YWHAZ: variants seen among roughly 807,000 people sequenced by gnomAD.
YWHAZ encodes the protein 14-3-3 protein zeta/delta.
For synonymous variants in YWHAZ, 87 were observed against 103.6 expected (o/e 0.84, Z 0.97); for missense variants, 79 against 284.8 (o/e 0.28, Z 5.20).
At position 100,918,428 on chromosome 8, in the gene YWHAZ, A is replaced by ATATATGTG. The variant is rs1349448855; in HGVS notation, c.*2264_*2265insCACATATA. Reference sequence around the variant, plus strand: ...TTACTTTATATATATATATATATATATATATATATATATATAATTATTTTA... The same window carrying ATATATGTG: ...TTACTTTATATATATATATATATATATATATGTGTATATATATATATATAATTATTTTA... On this transcript the variant is annotated 3_prime_UTR_variant, in exon 6 of 6. Transcript: ENST00000395958. 4.2e-5 allele frequency: 4 copies of ATATATGTG among 94,814 alleles called. No homozygotes were observed. Among genetic ancestry groups the ATATATGTG allele is most frequent in the African/African-American group, 1.5e-4 (4 of 27,406 alleles). 5.9% of individuals were successfully genotyped at this position (94,814 alleles called of 1,614,324 possible).
At chr8:100,939,449 C>G (rs907508311) in intron 2 of YWHAZ, among the ~76,000 whole-genome samples, 4 of 151,124 alleles carry the variant, frequency 2.6e-5, no homozygotes, top group African/African-American at 9.7e-5. Context: ...CATCTGAGGT[C>G]AGGAGTTCAA....
At position 100,948,205 on chromosome 8, in the gene YWHAZ, A is replaced by G. The variant is rs73697345; in HGVS notation, c.294+391T>C. On this transcript the variant is annotated intron_variant, in intron 2 of 5. Coordinates refer to ENST00000395958, the MANE Select transcript of YWHAZ (RefSeq NM_145690.3). The surrounding 1 kb of genome is among the most constrained non-coding windows in gnomAD (Gnocchi z 4.2). ...GTACTATTTCTACAATGAGTATCCT[A>G]TTACATCTCTCTTACCTAAAGTATG... The G allele has an allele frequency of 0.056, 77,545 of 1,387,494 alleles. 2,308 individuals are homozygous for G. Among genetic ancestry groups the G allele is most frequent in the Non-Finnish European group, 0.062 (63,672 of 1,031,126 alleles). 85.9% of individuals were successfully genotyped at this position (1,387,494 alleles called of 1,614,324 possible). A position where few individuals can be genotyped will look rare whatever the true frequency, so the allele number is the denominator to read the frequency against.
chr8:100,939,817 C>G (rs930567801), intron 2 of YWHAZ, among the ~76,000 whole-genome samples: 3 of 152,042 alleles, frequency 2.0e-5, no homozygotes, highest in South Asian at 2.1e-4. Flanking sequence ...GTTAGGAGAT[C>G]GAGACCAACC....
At position 100,920,048 on chromosome 8, in the gene YWHAZ, AGT is replaced by A. The variant is rs1013459575; in HGVS notation, c.*643_*644del. ...AAAACATTTAAATACAAATAAAATGAGTGTAGCAAAAATAATGAAAGCTAACA... is the reference window on the plus strand; with the variant it reads ...AAAACATTTAAATACAAATAAAATGAGTAGCAAAAATAATGAAAGCTAACA... On this transcript the variant is annotated 3_prime_UTR_variant, in exon 6 of 6. Transcript: ENST00000395958. 3 of 152,664 alleles carry A rather than the reference AGT, an allele frequency of 2.0e-5. No individual in the cohort carries two copies. Among genetic ancestry groups the A allele is most frequent in the Non-Finnish European group, 4.4e-5 (3 of 68,050 alleles). The allele number at this position is 152,664 out of a possible 1,614,324, so 9.5% of individuals were successfully genotyped here. A position where few individuals can be genotyped will look rare whatever the true frequency, so the allele number is the denominator to read the frequency against.
rs1479431821 is a variant in YWHAZ at position 100,924,998 on chromosome 8, T to A, written c.336A>T (p.Ala112=). Residue 112 remains alanine (A), a synonymous_variant, in exon 3 of 6, where the codon GCA becomes GCT. Transcript: ENST00000395958. The surrounding 1 kb of genome is among the most constrained non-coding windows in gnomAD (Gnocchi z 5.7). ...EKFLIPNASQ[A]ESKVFYLKMK... ...TTTTCAAATAGAAGACTTTGCTCTCTGCTTGTGAAGCATTGGGGATCAAGA... is the reference window on the plus strand; with the variant it reads ...TTTTCAAATAGAAGACTTTGCTCTCAGCTTGTGAAGCATTGGGGATCAAGA... 3 of 1,614,070 alleles carry A rather than the reference T, an allele frequency of 1.9e-6. No homozygotes were observed. The highest frequency in any genetic ancestry group is 1.7e-6 in the Non-Finnish European group (2 of 1,179,986).
chr8:100,952,243 G>C (rs770210634), upstream of YWHAZ: 4 of 739,118 alleles, frequency 5.4e-6, no homozygotes, highest in Admixed American at 2.5e-4. Flanking sequence ...GCGCGTCCTC[G>C]CCCGCAGCCG....
At position 100,951,944 on chromosome 8, in the gene YWHAZ, G is replaced by A; in HGVS notation, c.-27C>T. On this transcript the variant is annotated 5_prime_UTR_variant, in exon 1 of 6. Coordinates refer to ENST00000395958, the MANE Select transcript of YWHAZ (RefSeq NM_145690.3). ...GGTTCCTCACCTGTGTCCGGAGTGG[G>A]TGGTGGCGGCGGACGGACGGGCTCA... 1.0e-6 allele frequency: 1 copy of A among 1,001,004 alleles called. No individual in the cohort carries two copies. Among genetic ancestry groups the A allele is most frequent in the South Asian group, 4.1e-5 (1 of 24,510 alleles). The allele number at this position is 1,001,004 out of a possible 1,614,324, so 62.0% of individuals were successfully genotyped here. A position where few individuals can be genotyped will look rare whatever the true frequency, so the allele number is the denominator to read the frequency against.
rs1810470944 is a variant in YWHAZ, at chr8:100,948,488, C to T, written c.294+108G>A. The T allele has an allele frequency of 1.6e-6, 2 of 1,269,606 alleles. No individual in the cohort carries two copies. The highest frequency in any genetic ancestry group is 2.2e-6 in the Non-Finnish European group (2 of 922,562). The allele number at this position is 1,269,606 out of a possible 1,614,324, so 78.6% of individuals were successfully genotyped here. On this transcript the variant is annotated intron_variant, in intron 2 of 5. Transcript: ENST00000395958. The surrounding 1 kb of genome is among the most constrained non-coding windows in gnomAD (Gnocchi z 4.2). Reference sequence around the variant, plus strand: ...CATGAAGACTTTTAAATTTGGAACACACAATGTTTAGAAGGAAAAGAAAAA... The same window carrying T: ...CATGAAGACTTTTAAATTTGGAACATACAATGTTTAGAAGGAAAAGAAAAA...
intron 2 of YWHAZ, chr8:100,931,965 T>C (rs1414481619): frequency 6.6e-6 from 1 of 152,172 alleles, no homozygotes; most frequent in Non-Finnish European, 1.5e-5. Flanking sequence ...TCCTTTAGTA[T>C]TTATTTTCTC....
rs1157765588 is a variant in YWHAZ at position 100,948,931 on chromosome 8, T to A, written c.-11-31A>T. ...GGGGGGAAAAAAGGAGTATTTAAAA[T>A]TTTTCCCATCAAAATAAACAGACTC... On this transcript the variant is annotated intron_variant, in intron 1 of 5. Coordinates refer to ENST00000395958, the MANE Select transcript of YWHAZ (RefSeq NM_145690.3). This position sits in a 1 kb window ranked among gnomAD's most constrained non-coding sequence, Gnocchi z 4.2. 13 of 1,541,082 alleles carry A rather than the reference T, an allele frequency of 8.4e-6. No homozygotes were observed. The highest frequency in any genetic ancestry group is 2.8e-5 in the African/African-American group (2 of 72,310).
rs1294834137 is a variant in YWHAZ at position 100,919,907 on chromosome 8, A to G, written c.*786T>C. On this transcript the variant is annotated 3_prime_UTR_variant, in exon 6 of 6. Coordinates refer to ENST00000395958, the MANE Select transcript of YWHAZ (RefSeq NM_145690.3). The stretch of plus-strand genomic sequence containing the variant: ...ATCACAAAAGCAAAAATCCTAAAAA[A>G]AAGTTAAATACATGGGTTTTTGTTT... 6.6e-6 allele frequency: 1 copy of G among 152,480 alleles called. No individual in the cohort carries two copies. Among genetic ancestry groups the G allele is most frequent in the Non-Finnish European group, 1.5e-5 (1 of 68,008 alleles). The allele number at this position is 152,480 out of a possible 1,614,324, so 9.4% of individuals were successfully genotyped here.
rs1472193001 is a variant in YWHAZ, at chr8:100,948,351, C to T, written c.294+245G>A. Reference sequence around the variant, plus strand: ...TTATATTTTCAATTAATATAAAATACAATACTAAAGTCTGTTATTTTTAAC... The same window carrying T: ...TTATATTTTCAATTAATATAAAATATAATACTAAAGTCTGTTATTTTTAAC... On this transcript the variant is annotated intron_variant, in intron 2 of 5. Coordinates refer to ENST00000395958, the MANE Select transcript of YWHAZ (RefSeq NM_145690.3). This position sits in a 1 kb window ranked among gnomAD's most constrained non-coding sequence, Gnocchi z 4.2. Among the ~76,000 whole-genome samples the T allele has an allele frequency of 6.6e-6, 1 of 152,048 alleles. No homozygotes were observed. Among genetic ancestry groups the T allele is most frequent in the African/African-American group, 2.4e-5 (1 of 41,376 alleles).
chr8:100,934,275 G>T (rs913465471), intron 2 of YWHAZ, among the ~76,000 whole-genome samples: 3 of 150,580 alleles, frequency 2.0e-5, no homozygotes, highest in African/African-American at 4.9e-5. Flanking sequence ...CATGGCTGCA[G>T]TGAGTGCACC....
intron 2 of YWHAZ, among the ~76,000 whole-genome samples, chr8:100,937,363 C>T (rs927149865): frequency 2.0e-5 from 3 of 151,202 alleles, no homozygotes; most frequent in Non-Finnish European, 4.4e-5. Context: ...AACAATGATA[C>T]ATTTGTAAAG....
chr8:100,937,544 C>T (rs1038595388), intron 2 of YWHAZ, among the ~76,000 whole-genome samples: 5 of 152,194 alleles, frequency 3.3e-5, no homozygotes, highest in African/African-American at 1.2e-4. Flanking sequence ...TCTATTGAGA[C>T]ATTTATGAAT....
chr8:100,921,729 G>A (rs1813040218), intron 5 of YWHAZ, among the ~76,000 whole-genome samples: 1 of 152,130 alleles, frequency 6.6e-6, no homozygotes, highest in Non-Finnish European at 1.5e-5. Flanking sequence ...ACAAAAACCA[G>A]AACCAAATCT....
chr8:100,945,108 G>A (rs557010491), intron 2 of YWHAZ, among the ~76,000 whole-genome samples: 1 of 152,298 alleles, frequency 6.6e-6, no homozygotes, highest in South Asian at 2.1e-4. Context: ...TGGCAGGAAA[G>A]GCAGATTGCA....
chr8:100,938,556 C>T (rs1315007200), intron 2 of YWHAZ, among the ~76,000 whole-genome samples: 3 of 152,188 alleles, frequency 2.0e-5, no homozygotes, highest in South Asian at 4.1e-4. Flanking sequence ...TTAATTCCAA[C>T]TCTTCAGCAT....
chr8:100,930,670 T>A lies in YWHAZ; in HGVS notation c.295-5631A>T, dbSNP rs560882424. Among the ~76,000 whole-genome samples the A allele has an allele frequency of 5.9e-5, 9 of 152,332 alleles. No individual in the cohort carries two copies. The South Asian group carries it at 6.2e-4, about 11-fold the overall frequency. On this transcript the variant is annotated intron_variant, in intron 2 of 5. Coordinates refer to ENST00000395958, the MANE Select transcript of YWHAZ (RefSeq NM_145690.3). ...CTTTTTTCCCTCCCATTAATTTTTT[T>A]AATTTTTATTTAGAGATGAGGTCTT... is the stretch of plus-strand genomic sequence containing the variant.
Sources: gnomAD v4.1 joint callset for allele counts (sites outside exome capture counted in the v4.1 genomes callset) on GRCh38, gnomAD v4.1.1 for gene constraint, Gnocchi (gnomAD v3.1) non-coding constraint, MANE v1.5 for transcripts, NCBI Gene and HGNC (gene_info 2026-07-23, HGNC 2026-07-21) for gene names.